The following TSHZ2 variants were observed in gnomAD, a reference collection of about 807,000 sequenced individuals.
TSHZ2 encodes teashirt homolog 2.
In TSHZ2, 21 loss-of-function variants were observed where a neutral mutation model predicts 74.4. The observed-to-expected ratio is 0.28, with a 90% CI of 0.20 to 0.41. The LOEUF (loss-of-function observed/expected upper bound fraction) is 0.41, where lower values mean the gene tolerates loss of function less well. Ranked by LOEUF, TSHZ2 falls within the 10% of genes least tolerant of loss-of-function variation. The pLI is 1.00. For synonymous variants in TSHZ2, 540 were observed against 515.3 expected (o/e 1.05, Z -0.65); for missense variants, 1,244 against 1,293.5 (o/e 0.96, Z 0.59).
intron 1 of TSHZ2, among the ~76,000 whole-genome samples, chr20:53,117,839 A>G (rs1282859630): frequency 1.3e-5 from 2 of 152,210 alleles, no homozygotes; most frequent in African/African-American, 4.8e-5. Context: ...CAGTGGACAA[A>G]TTCAGTATGT....
At chr20:53,392,720 C>T (rs1314063542) in intron 2 of TSHZ2, among the ~76,000 whole-genome samples, 1 of 152,072 alleles carries the variant, frequency 6.6e-6, no homozygotes, top group Non-Finnish European at 1.5e-5. Context: ...AAAACTTCAT[C>T]TATATTTCTT....
At chr20:53,019,728 G>A (rs2123028743) in intron 1 of TSHZ2, among the ~76,000 whole-genome samples, 1 of 152,298 alleles carries the variant, frequency 6.6e-6, no homozygotes, top group East Asian at 1.9e-4. Context: ...TTTGTAAAAT[G>A]AGGACATTGT....
intron 2 of TSHZ2, among the ~76,000 whole-genome samples, chr20:53,299,310 A>G (rs1991435613): frequency 6.6e-6 from 1 of 152,162 alleles, no homozygotes; most frequent in African/African-American, 2.4e-5. Flanking sequence ...TTTTATGTAA[A>G]ACAACTTGAA....
At chr20:53,033,180 A>G (rs894231012) in intron 1 of TSHZ2, among the ~76,000 whole-genome samples, 1 of 152,234 alleles carries the variant, frequency 6.6e-6, no homozygotes. Context: ...CAAAAAGACT[A>G]TTGTGCCATC....
At position 53,278,079 on chromosome 20, in the gene TSHZ2, G is replaced by A. The variant is rs561275520; in HGVS notation, c.*8+21508G>A. Among the ~76,000 whole-genome samples the A allele has an allele frequency of 9.8e-5, 15 of 152,314 alleles. No homozygotes were observed. The South Asian group carries it at 3.1e-3, about 32-fold the overall frequency. On this transcript the variant is annotated intron_variant, in intron 2 of 2. Coordinates refer to ENST00000371497, the MANE Select transcript of TSHZ2 (RefSeq NM_173485.6). ...AATGAGAAGAGCTACCATTTCACGA[G>A]TGTTTATTCTGTCTCAGGTGCTTCA...
intron 1 of TSHZ2, among the ~76,000 whole-genome samples, chr20:53,210,610 T>C (rs1989280521): frequency 6.6e-6 from 1 of 151,782 alleles, no homozygotes; most frequent in Non-Finnish European, 1.5e-5. Flanking sequence ...GCCTGGGGTT[T>C]GGGGTTTATA....
chr20:53,055,291 A>C (rs760344516), intron 1 of TSHZ2, among the ~76,000 whole-genome samples: 20 of 152,178 alleles, frequency 1.3e-4, no homozygotes, highest in Non-Finnish European at 2.5e-4. Flanking sequence ...GGTTTCCCTC[A>C]AGCTTAGCTC....
chr20:53,243,908 C>T (rs1214091767), intron 1 of TSHZ2, among the ~76,000 whole-genome samples: 3 of 150,664 alleles, frequency 2.0e-5, no homozygotes, highest in Non-Finnish European at 2.9e-5. Context: ...TAAAATTTGT[C>T]CATTCTTGGC....
chr20:53,400,817 G>A (rs1982631116), intron 2 of TSHZ2, among the ~76,000 whole-genome samples: 1 of 152,130 alleles, frequency 6.6e-6, no homozygotes, highest in South Asian at 2.1e-4. Context: ...GTCCAGGACG[G>A]AGCAAAACAG....
chr20:52,993,280 C>G (rs1365208641), intron 1 of TSHZ2, among the ~76,000 whole-genome samples: 3 of 152,164 alleles, frequency 2.0e-5, no homozygotes, highest in Admixed American at 2.0e-4. Context: ...TTCCCCCGGG[C>G]AACATAACAT....
At chr20:53,203,763 G>A (rs558320742) in intron 1 of TSHZ2, among the ~76,000 whole-genome samples, 1 of 152,016 alleles carries the variant, frequency 6.6e-6, no homozygotes, top group Non-Finnish European at 1.5e-5. Flanking sequence ...TTGGTAATTC[G>A]TTTGTTTTAA....
intron 1 of TSHZ2, among the ~76,000 whole-genome samples, chr20:53,038,192 CAAAAAAAAAAAAAAAAAAAAAAAAA>C (rs869242676): frequency 1.1e-3 from 57 of 53,946 alleles, no homozygotes; most frequent in Admixed American, 2.2e-3. Context: ...GATTCCGTCT[CAAAAAAAAAAAAAAAAAAAAAAAAA>C]AAAAAAAAAA....
chr20:53,292,149 T>C (rs1991291221), intron 2 of TSHZ2, among the ~76,000 whole-genome samples: 1 of 152,202 alleles, frequency 6.6e-6, no homozygotes, highest in Non-Finnish European at 1.5e-5. Flanking sequence ...GACTAATTAT[T>C]GAGGCTTCGG....
intron 1 of TSHZ2, among the ~76,000 whole-genome samples, chr20:53,087,272 T>C (rs764051268): frequency 1.9e-4 from 29 of 152,228 alleles, no homozygotes; most frequent in Middle Eastern, 3.2e-3. Flanking sequence ...TTCCAGGAGA[T>C]TCTTCAACTC....
At chr20:53,104,005 T>C (rs1365574724) in intron 1 of TSHZ2, among the ~76,000 whole-genome samples, 6 of 152,170 alleles carry the variant, frequency 3.9e-5, no homozygotes, top group Non-Finnish European at 8.8e-5. Context: ...AGAGAGATCA[T>C]GACTTAGACC....
intron 2 of TSHZ2, among the ~76,000 whole-genome samples, chr20:53,279,338 A>G (rs948118295): frequency 1.5e-4 from 23 of 152,264 alleles, no homozygotes; most frequent in African/African-American, 5.3e-4. Flanking sequence ...CTATGATCCA[A>G]TACAACTTTA....
At chr20:53,223,898 A>AACACACACACAC (rs71675648) in intron 1 of TSHZ2, among the ~76,000 whole-genome samples, 18 of 145,498 alleles carry the variant, frequency 1.2e-4, no homozygotes, top group Admixed American at 1.0e-3. Flanking sequence ...TACAGGACTA[A>AACACACACACAC]ACACACACAC....
chr20:53,355,763 A>G (rs572449893), intron 2 of TSHZ2, among the ~76,000 whole-genome samples: 2 of 148,372 alleles, frequency 1.3e-5, no homozygotes, highest in African/African-American at 2.4e-5. Context: ...TGCAAATTCT[A>G]TCTCAATGAA....
intron 1 of TSHZ2, among the ~76,000 whole-genome samples, chr20:53,031,915 A>C: frequency 6.6e-6 from 1 of 151,980 alleles, no homozygotes; most frequent in South Asian, 2.1e-4. Context: ...GGAAAGAAGG[A>C]AGGGAGGGAG....
Sources: gnomAD v4.1 joint callset for allele counts (sites outside exome capture counted in the v4.1 genomes callset) on GRCh38, gnomAD v4.1.1 for gene constraint, MANE v1.5 for transcripts, NCBI Gene and HGNC (gene_info 2026-07-23, HGNC 2026-07-21) for gene names.